STPG2: variants seen among roughly 807,000 people sequenced by gnomAD.
STPG2 encodes sperm-tail PG-rich repeat-containing protein 2.
In STPG2, 56 loss-of-function variants were observed where a neutral mutation model predicts 54.2. The observed-to-expected ratio is 1.03, with a 90% CI of 0.83 to 1.29. The LOEUF (loss-of-function observed/expected upper bound fraction) is 1.29, where lower values mean the gene tolerates loss of function less well. STPG2 is among the 50% of genes most tolerant of loss of function. The pLI is 0.00. For missense variants in STPG2, 596 were observed against 544.9 expected (o/e 1.09, Z -0.93); for synonymous variants, 200 against 181.8 (o/e 1.10, Z -0.81).
chr4:97,741,102 T>C (rs1370851673), intron 9 of STPG2, among the ~76,000 whole-genome samples: 1 of 151,834 alleles, frequency 6.6e-6, no homozygotes, highest in Non-Finnish European at 1.5e-5. Flanking sequence ...GAGAAAAATA[T>C]GCAATAGGGA....
chr4:97,952,289 C>T (rs1733502357), intron 7 of STPG2, among the ~76,000 whole-genome samples: 1 of 152,052 alleles, frequency 6.6e-6, no homozygotes, highest in Non-Finnish European at 1.5e-5. Flanking sequence ...AAAAGAATTC[C>T]CCTTCTCCAA....
At chr4:97,680,006 G>A (rs1431142084) in intron 10 of STPG2, among the ~76,000 whole-genome samples, 15 of 152,118 alleles carry the variant, frequency 9.9e-5, no homozygotes, top group East Asian at 1.9e-4. Flanking sequence ...TGGTACCAGT[G>A]CCATGCTGTT....
At chr4:98,021,578 C>A (rs1418848930) in intron 5 of STPG2, among the ~76,000 whole-genome samples, 1 of 152,100 alleles carries the variant, frequency 6.6e-6, no homozygotes, top group African/African-American at 2.4e-5. Flanking sequence ...TCCTTGTTAA[C>A]TTTCTGTCTC....
intron 4 of STPG2, among the ~76,000 whole-genome samples, chr4:97,471,105 C>A (rs940584365): frequency 2.0e-5 from 3 of 152,012 alleles, no homozygotes; most frequent in Non-Finnish European, 4.4e-5. Context: ...AGCAGGGCAG[C>A]CTGAGATTTC....
At chr4:98,028,476 C>T (rs372029574) in intron 5 of STPG2, among the ~76,000 whole-genome samples, 28 of 152,288 alleles carry the variant, frequency 1.8e-4, no homozygotes, top group Admixed American at 5.2e-4. Flanking sequence ...ACAAGAATCC[C>T]CTTTCCAATA....
rs1325400409 is a variant in STPG2, at chr4:97,466,694, G to T, written c.462+246005C>A. Among the ~76,000 whole-genome samples, 3 of 151,846 alleles carry T rather than the reference G, an allele frequency of 2.0e-5. No homozygotes were observed. The South Asian group carries it at 6.2e-4, about 32-fold the overall frequency. On this transcript the variant is annotated intron_variant, in intron 4 of 4. Transcript: ENST00000522676. Reference sequence around the variant, plus strand: ...TGGTTATATTATTCATACCTTCCCAGAGTTTAACAAAATCATCCAAAATGT... The same window carrying T: ...TGGTTATATTATTCATACCTTCCCATAGTTTAACAAAATCATCCAAAATGT...
intron 4 of STPG2, among the ~76,000 whole-genome samples, chr4:97,444,143 A>G (rs1354401379): frequency 6.6e-6 from 1 of 152,290 alleles, no homozygotes; most frequent in Non-Finnish European, 1.5e-5. Context: ...TCTATAATAT[A>G]CAAAAGAGCA....
chr4:97,722,090 G>T (rs1259982045), intron 9 of STPG2, among the ~76,000 whole-genome samples: 1 of 147,866 alleles, frequency 6.8e-6, no homozygotes. Flanking sequence ...CAATGTCCAG[G>T]AGGGGAAAAA....
intron 5 of STPG2, among the ~76,000 whole-genome samples, chr4:98,087,748 G>A (rs1344897167): frequency 1.3e-5 from 2 of 151,980 alleles, no homozygotes; most frequent in Non-Finnish European, 1.5e-5. Context: ...TTTTAGTAGA[G>A]ACGGGGTTTC....
chr4:98,039,688 A>ATGTATATATC (rs1553936003), intron 5 of STPG2, among the ~76,000 whole-genome samples: 3 of 56,648 alleles, frequency 5.3e-5, no homozygotes, highest in African/African-American at 2.4e-4. Context: ...TGATACATAT[A>ATGTATATATC]TATATATATA....
chr4:97,540,738 G>A (rs1209385803), intron 4 of STPG2, among the ~76,000 whole-genome samples: 1 of 152,120 alleles, frequency 6.6e-6, no homozygotes, highest in Non-Finnish European at 1.5e-5. Flanking sequence ...CTGGCAAACT[G>A]AATCCAGCAG....
At chr4:97,721,548 G>T (rs1197186507) in intron 9 of STPG2, among the ~76,000 whole-genome samples, 2 of 151,904 alleles carry the variant, frequency 1.3e-5, no homozygotes, top group Non-Finnish European at 2.9e-5. Flanking sequence ...GACTCAAAAG[G>T]TCTTCTTATT....
chr4:98,076,773 C>T (rs1738179741), intron 5 of STPG2, among the ~76,000 whole-genome samples: 1 of 152,078 alleles, frequency 6.6e-6, no homozygotes. Flanking sequence ...TTCCAAATTA[C>T]AACTTCACTA....
At chr4:97,840,577 C>T (rs1401164670) in intron 9 of STPG2, among the ~76,000 whole-genome samples, 196 bp downstream of exon 9, 2 of 151,530 alleles carry the variant, frequency 1.3e-5, no homozygotes, top group Non-Finnish European at 3.0e-5. Context: ...AAATGATGTA[C>T]AACACAGCAG....
chr4:97,749,299 C>T (rs542044048), intron 9 of STPG2, among the ~76,000 whole-genome samples: 2 of 151,792 alleles, frequency 1.3e-5, no homozygotes, highest in South Asian at 4.1e-4. Context: ...GTCATACTAA[C>T]ACTATAGAGT....
intron 4 of STPG2, among the ~76,000 whole-genome samples, chr4:97,444,955 T>A (rs1019799356): frequency 6.6e-6 from 1 of 152,132 alleles, no homozygotes; most frequent in Admixed American, 6.5e-5. Flanking sequence ...GAGAATGGCG[T>A]GAACCCAGGA....
chr4:97,587,603 A>G (rs1560673845), intron 10 of STPG2, among the ~76,000 whole-genome samples: 1 of 151,966 alleles, frequency 6.6e-6, no homozygotes, highest in Admixed American at 6.6e-5. Context: ...TGTTTTTAAT[A>G]GTGGCCCAAT....
intron 5 of STPG2, among the ~76,000 whole-genome samples, chr4:98,076,321 A>C (rs969660914): frequency 8.2e-5 from 11 of 134,132 alleles, no homozygotes; most frequent in African/African-American, 3.2e-4. Context: ...AGAACTAAAA[A>C]TCCAGATTAA....
Position 97,913,910 on chromosome 4 carries a change from T to C in STPG2, c.1044+29987A>G, listed in dbSNP as rs75907306. 1.7e-3 allele frequency among the ~76,000 whole-genome samples: 257 copies of C among 152,262 alleles called. 15 individuals are homozygous for C. The East Asian group carries it at 0.038, about 22-fold the overall frequency. On this transcript the variant is annotated intron_variant, in intron 8 of 10. Transcript: ENST00000295268. ...TACAATAATATAATTTTTAGATACTTCCTGACTTTGAGTGTTTATTTCAAT... is the reference window on the plus strand; with the variant it reads ...TACAATAATATAATTTTTAGATACTCCCTGACTTTGAGTGTTTATTTCAAT...
Sources: gnomAD v4.1 joint callset for allele counts (sites outside exome capture counted in the v4.1 genomes callset) on GRCh38, gnomAD v4.1.1 for gene constraint, MANE v1.5 for transcripts, NCBI Gene and HGNC (gene_info 2026-07-23, HGNC 2026-07-21) for gene names.